Variants in CEP112 observed in about 807,000 individuals in gnomAD.
The protein encoded by CEP112 is centrosomal protein 112.
In CEP112, 127 loss-of-function variants were observed where a neutral mutation model predicts 153.0. That is an observed-to-expected ratio of 0.83 (90% CI 0.72 to 0.96). CEP112 has a LOEUF of 0.96. CEP112 is among the 40% of genes least tolerant of loss of function. CEP112 has a pLI of 0.00. For synonymous variants in CEP112, 358 were observed against 374.4 expected (o/e 0.96, Z 0.51); for missense variants, 1,089 against 1,101.2 (o/e 0.99, Z 0.16).
At position 65,679,129 on chromosome 17, in the gene CEP112, CTTTTTTTTTTTTTTTTTTTTTTT is replaced by C. The variant is rs57907674; in HGVS notation, c.2697+9977_2697+9999del. On this transcript the variant is annotated intron_variant, in intron 24 of 26. Transcript: ENST00000535342. The stretch of plus-strand genomic sequence containing the variant: ...AATGTCCTTGACACTGTGGTTCAAG[CTTTTTTTTTTTTTTTTTTTTTTT>C]TTTTTTTTTTTTTTTTTTTCAGAAA... Among the ~76,000 whole-genome samples, 207 of 31,614 alleles carry C rather than the reference CTTTTTTTTTTTTTTTTTTTTTTT, an allele frequency of 6.5e-3. 1 individual carries two copies. The highest frequency in any genetic ancestry group is 0.017 in the African/African-American group (155 of 9,184). 20.7% of individuals were successfully genotyped at this position (31,614 alleles called of 152,430 possible).
In CEP112 at chr17:65,635,937, C is replaced by T. The variant is rs1328098723; in HGVS notation, c.*34G>A. 4.4e-6 allele frequency: 7 copies of T among 1,595,210 alleles called. No homozygotes were observed. The Admixed American group carries it at 6.9e-5, about 16-fold the overall frequency. On this transcript the variant is annotated 3_prime_UTR_variant, in exon 27 of 27. Transcript: ENST00000535342. ...TGCTGGAAGAAGTCCACAGCACAGC[C>T]TGGAAATTGCATCCGTTGCATTCTC...
chr17:66,043,040 A>G (rs1489909580), intron 12 of CEP112: 3 of 945,312 alleles, frequency 3.2e-6, no homozygotes, highest in Non-Finnish European at 3.8e-6. Context: ...ACATAGTTAA[A>G]TATTTCAGAT....
intron 18 of CEP112, among the ~76,000 whole-genome samples, chr17:65,951,492 T>C (rs1354068262): frequency 1.3e-5 from 2 of 152,158 alleles, no homozygotes; most frequent in Non-Finnish European, 2.9e-5. Flanking sequence ...ATCTATGTTG[T>C]ACAAATTGTT....
chr17:65,738,721 AC>A (rs1419498331), intron 23 of CEP112, among the ~76,000 whole-genome samples: 1 of 152,240 alleles, frequency 6.6e-6, no homozygotes, highest in Non-Finnish European at 1.5e-5. Context: ...TTATAAAAAA[AC>A]ATGGATGCAA....
At chr17:65,916,230 T>C (rs905520530) in intron 19 of CEP112, among the ~76,000 whole-genome samples, 4 of 150,534 alleles carry the variant, frequency 2.7e-5, no homozygotes, top group Non-Finnish European at 5.9e-5. Flanking sequence ...CACCCTACCT[T>C]AAATTATGTT....
chr17:65,775,710 C>T (rs2053638923), intron 21 of CEP112, among the ~76,000 whole-genome samples: 1 of 152,088 alleles, frequency 6.6e-6, no homozygotes, highest in African/African-American at 2.4e-5. Flanking sequence ...ACCATGTTGA[C>T]TAGGCTTGTT....
intron 21 of CEP112, among the ~76,000 whole-genome samples, chr17:65,813,452 G>A (rs1350262805): frequency 1.3e-5 from 2 of 152,194 alleles, no homozygotes; most frequent in African/African-American, 2.4e-5. Context: ...TGAAACAGGA[G>A]CTGCTTCTAT....
intron 4 of CEP112, among the ~76,000 whole-genome samples, chr17:66,149,904 T>TTTTTTTTTTTTTTTC: frequency 8.6e-6 from 1 of 116,804 alleles, no homozygotes; most frequent in Non-Finnish European, 1.8e-5. Context: ...TTTTTTTTTT[T>TTTTTTTTTTTTTTTC]TTTTTGAGAT....
chr17:65,775,851 T>C (rs540343557), intron 21 of CEP112, among the ~76,000 whole-genome samples: 3 of 152,360 alleles, frequency 2.0e-5, no homozygotes, highest in Admixed American at 6.5e-5. Context: ...GTTGAGACTT[T>C]TAAAATGTTC....
chr17:65,689,354 A>G, intron 23 of CEP112, 136 bp from the exon 24 acceptor site: 1 of 609,360 alleles, frequency 1.6e-6, no homozygotes, highest in South Asian at 2.1e-5. Flanking sequence ...GGCAAACAAT[A>G]CCAGACTTTT....
Position 65,670,141 on chromosome 17 carries a change from T to C in CEP112, c.2697+18988A>G, listed in dbSNP as rs138892597. On this transcript the variant is annotated intron_variant, in intron 24 of 26. Transcript: ENST00000535342. ...CTGTTTGTCCCTTCAGTGGGGCATATGTTCTTTGAGGTTTTTTTGTTTTTG... is the reference window on the plus strand; with the variant it reads ...CTGTTTGTCCCTTCAGTGGGGCATACGTTCTTTGAGGTTTTTTTGTTTTTG... Among the ~76,000 whole-genome samples, 259 of 151,794 alleles carry C rather than the reference T, an allele frequency of 1.7e-3. 1 individual carries two copies. Among genetic ancestry groups the C allele is most frequent in the African/African-American group, 3.1e-3 (130 of 41,434 alleles).
intron 20 of CEP112, among the ~76,000 whole-genome samples, chr17:65,855,104 A>C (rs1398599046): frequency 6.6e-6 from 1 of 152,172 alleles, no homozygotes; most frequent in African/African-American, 2.4e-5. Context: ...ACAAAAGCAA[A>C]TTTTGAGAAG....
chr17:65,960,936 T>C (rs1419254795), intron 18 of CEP112, among the ~76,000 whole-genome samples: 3 of 152,200 alleles, frequency 2.0e-5, no homozygotes, highest in Non-Finnish European at 4.4e-5. Context: ...TTATTGCATC[T>C]TTGCGATGGG....
intron 21 of CEP112, among the ~76,000 whole-genome samples, chr17:65,789,942 A>T (rs951951405): frequency 2.0e-5 from 3 of 152,176 alleles, no homozygotes; most frequent in African/African-American, 7.2e-5. Context: ...CTCCAAGTCT[A>T]TATCCTAACT....
intron 11 of CEP112, among the ~76,000 whole-genome samples, chr17:66,056,220 G>A (rs2066680897): frequency 6.6e-6 from 1 of 152,142 alleles, no homozygotes; most frequent in Non-Finnish European, 1.5e-5. Context: ...TAACCATATA[G>A]TTGGCTCATG....
intron 16 of CEP112, among the ~76,000 whole-genome samples, chr17:66,011,066 A>G (rs1423748404): frequency 1.3e-5 from 2 of 152,068 alleles, no homozygotes; most frequent in Non-Finnish European, 2.9e-5. Flanking sequence ...TGCTAGAATT[A>G]GGCTGTGGAT....
intron 17 of CEP112, among the ~76,000 whole-genome samples, chr17:65,983,536 G>T (rs1249969185): frequency 6.6e-6 from 1 of 152,120 alleles, no homozygotes; most frequent in Non-Finnish European, 1.5e-5. Context: ...TTGGTGATGA[G>T]TGGGTTCTCA....
intron 23 of CEP112, among the ~76,000 whole-genome samples, chr17:65,703,340 G>A (rs1285567004): frequency 2.6e-5 from 4 of 151,934 alleles, no homozygotes; most frequent in Non-Finnish European, 5.9e-5. Flanking sequence ...GTGAAACCCT[G>A]TCTCTACTAA....
intron 21 of CEP112, among the ~76,000 whole-genome samples, chr17:65,773,948 G>A (rs61604618): frequency 3.9e-5 from 6 of 152,032 alleles, no homozygotes; most frequent in Non-Finnish European, 5.9e-5. Flanking sequence ...TTAGCCAGGT[G>A]TGGTGGCACA....
Sources: allele counts gnomAD v4.1 joint callset (sites outside exome capture counted in the v4.1 genomes callset), GRCh38; gene constraint gnomAD v4.1.1; transcripts MANE v1.5; gene names NCBI Gene and HGNC (gene_info 2026-07-23, HGNC 2026-07-21).